The following PDCL2 variants were observed in gnomAD, a reference collection of about 807,000 sequenced individuals.
PDCL2 encodes phosducin-like protein 2.
A neutral mutation model predicts 30.3 loss-of-function variants in PDCL2; 23 were observed. That is an observed-to-expected ratio of 0.76 (90% CI 0.55 to 1.08). The LOEUF is 1.08. Among genes scored for constraint, PDCL2 ranks in the 50% least tolerant of loss-of-function variants. PDCL2 has a pLI of 0.00. For missense variants in PDCL2, 243 were observed against 282.3 expected (o/e 0.86, Z 1.00); for synonymous variants, 68 against 86.2 (o/e 0.79, Z 1.17).
intron 3 of PDCL2, among the ~76,000 whole-genome samples, chr4:55,576,386 C>G (rs942485795): frequency 2.0e-5 from 3 of 152,214 alleles, no homozygotes; most frequent in African/African-American, 7.2e-5. Flanking sequence ...AGCCATCATG[C>G]CTGGCCTAGA....
chr4:55,587,884 CCT>C (rs146501088), intron 1 of PDCL2, among the ~76,000 whole-genome samples: 4,078 of 151,934 alleles, frequency 0.027, 193 homozygotes, highest in African/African-American at 0.093. Flanking sequence ...TTGATAATAT[CCT>C]CTGACGCAAA....
intron 1 of PDCL2, among the ~76,000 whole-genome samples, chr4:55,591,147 T>C (rs1732987773): frequency 6.6e-6 from 1 of 152,168 alleles, no homozygotes; most frequent in Admixed American, 6.6e-5. Flanking sequence ...GTAACTGATG[T>C]TCAAAATATC....
At position 55,590,328 on chromosome 4, in the gene PDCL2, A is replaced by G. The variant is rs1180370523; in HGVS notation, c.6+1776T>C. 2.0e-5 allele frequency among the ~76,000 whole-genome samples: 3 copies of G among 151,440 alleles called. No homozygotes were observed. The East Asian group carries it at 5.8e-4, about 29-fold the overall frequency. ...AGGCCCCATCTCTACAAAAAAAAAA[A>G]TTAACTGTGTATGGTGGCATGCACC... On this transcript the variant is annotated intron_variant, in intron 1 of 5. Coordinates refer to ENST00000295645, the MANE Select transcript of PDCL2 (RefSeq NM_152401.3).
At chr4:55,582,781 G>A (rs925203816) in intron 1 of PDCL2, among the ~76,000 whole-genome samples, 12 of 98,744 alleles carry the variant, frequency 1.2e-4, no homozygotes, top group South Asian at 7.2e-4. Flanking sequence ...GACAGGCCCC[G>A]GTGTGTGATG....
intron 1 of PDCL2, among the ~76,000 whole-genome samples, chr4:55,583,133 G>T (rs997889086): frequency 3.9e-5 from 6 of 151,958 alleles, no homozygotes; most frequent in African/African-American, 1.5e-4. Flanking sequence ...GCTCCACCAG[G>T]CCCAGCTAAT....
intron 3 of PDCL2, 45 bp downstream of exon 3, chr4:55,580,776 T>A (rs749717807): frequency 3.7e-6 from 5 of 1,363,496 alleles, no homozygotes; most frequent in African/African-American, 3.0e-5. Flanking sequence ...ATTCTTATTA[T>A]ACTTCATTCA....
At chr4:55,563,526 G>T (rs1163476486) in intron 4 of PDCL2, among the ~76,000 whole-genome samples, 2 of 152,130 alleles carry the variant, frequency 1.3e-5, no homozygotes. Context: ...ACTAAAAAAT[G>T]CAAGGTTTTA....
At chr4:55,561,471 G>A (rs1029888996) in intron 5 of PDCL2, among the ~76,000 whole-genome samples, 1 of 151,974 alleles carries the variant, frequency 6.6e-6, no homozygotes, top group Non-Finnish European at 1.5e-5. Flanking sequence ...GCTGAGGCAG[G>A]GAGAATTGCT....
At chr4:55,559,062 A>C (rs1044596343) in intron 5 of PDCL2, among the ~76,000 whole-genome samples, 13 of 152,234 alleles carry the variant, frequency 8.5e-5, no homozygotes, top group Admixed American at 7.2e-4. Flanking sequence ...ATCCACATTT[A>C]AACAATGAAA....
At chr4:55,583,499 G>A (rs545739064) in intron 1 of PDCL2, among the ~76,000 whole-genome samples, 3 of 152,270 alleles carry the variant, frequency 2.0e-5, no homozygotes, top group South Asian at 2.1e-4. Flanking sequence ...GACCAATAGT[G>A]TGTAGTTTTT....
chr4:55,588,841 T>C (rs1732927843), intron 1 of PDCL2, among the ~76,000 whole-genome samples: 1 of 150,784 alleles, frequency 6.6e-6, no homozygotes, highest in Non-Finnish European at 1.5e-5. Context: ...TTGTCTGTTT[T>C]ATAGTTTTCA....
chr4:55,556,835 G>GTT (rs71194590), intron 5 of PDCL2, 124 bp from the exon 6 acceptor site: 2,924 of 781,220 alleles, frequency 3.7e-3, no homozygotes, highest in East Asian at 0.012. Flanking sequence ...TTATTTATAG[G>GTT]TTTTTTTTTC....
chr4:55,576,331 G>A (rs896389171), intron 3 of PDCL2, among the ~76,000 whole-genome samples: 2 of 152,128 alleles, frequency 1.3e-5, no homozygotes, highest in Admixed American at 6.6e-5. Context: ...GAACTCAGGC[G>A]ATTTGCCCAC....
At chr4:55,581,855 C>T (rs1395443264) in intron 2 of PDCL2, among the ~76,000 whole-genome samples, 1 of 152,094 alleles carries the variant, frequency 6.6e-6, no homozygotes, top group Non-Finnish European at 1.5e-5. Context: ...AGGCACCCAC[C>T]ACCACACCTG....
intron 3 of PDCL2, among the ~76,000 whole-genome samples, chr4:55,575,343 T>C (rs1281522287): frequency 2.1e-5 from 3 of 142,140 alleles, no homozygotes; most frequent in Non-Finnish European, 3.1e-5. Context: ...ACCTTGAAAA[T>C]AGGACAACTG....
At position 55,587,544 on chromosome 4, in the gene PDCL2, T is replaced by C. The variant is rs1217703531; in HGVS notation, c.6+4560A>G. On this transcript the variant is annotated intron_variant, in intron 1 of 5. Coordinates refer to ENST00000295645, the MANE Select transcript of PDCL2 (RefSeq NM_152401.3). ...TTTCTATTCTGTGGGTTGTCTTTTT[T>C]CTTTTTCTGTTTTTTTTAAATTTTT... Among the ~76,000 whole-genome samples the C allele has an allele frequency of 2.6e-5, 4 of 152,058 alleles. No homozygotes were observed. In the East Asian group the frequency reaches 7.7e-4, roughly 29 times the overall value.
rs1275476292 is a variant in PDCL2 at position 55,571,649 on chromosome 4, T to C, written c.219-1788A>G. ...TTGCAGTGAGCTGAGATTGTGCCAC[T>C]GCACTCCAGCCTGGGCGACAGAGTG... On this transcript the variant is annotated intron_variant, in intron 3 of 5. Coordinates refer to ENST00000295645, the MANE Select transcript of PDCL2 (RefSeq NM_152401.3). 5.7e-5 allele frequency among the ~76,000 whole-genome samples: 3 copies of C among 53,038 alleles called. 1 individual carries two copies. Among genetic ancestry groups the C allele is most frequent in the Non-Finnish European group, 1.0e-4 (3 of 30,118 alleles). The allele number at this position is 53,038 out of a possible 152,430, so 34.8% of individuals were successfully genotyped here.
chr4:55,576,873 TA>T lies in PDCL2; in HGVS notation c.218+3947del, dbSNP rs566590097. Among the ~76,000 whole-genome samples, 421 of 150,794 alleles carry T rather than the reference TA, an allele frequency of 2.8e-3. 1 individual carries two copies. Among genetic ancestry groups the T allele is most frequent in the Admixed American group, 5.0e-3 (76 of 15,186 alleles). ...AGGCAAAGACTGGCAAAACAAATTT[TA>T]AAAAAAGCATGTTCCAGATTTCTCA... On this transcript the variant is annotated intron_variant, in intron 3 of 5. Transcript: ENST00000295645.
intron 1 of PDCL2, among the ~76,000 whole-genome samples, chr4:55,589,949 C>T (rs974052380): frequency 2.6e-5 from 4 of 151,994 alleles, no homozygotes; most frequent in East Asian, 1.9e-4. Flanking sequence ...GTAATCCCAG[C>T]GCTTTGAGAG....
Sources: gnomAD v4.1 joint callset for allele counts (sites outside exome capture counted in the v4.1 genomes callset) on GRCh38, gnomAD v4.1.1 for gene constraint, MANE v1.5 for transcripts, NCBI Gene and HGNC (gene_info 2026-07-23, HGNC 2026-07-21) for gene names.